DNAH12: variants seen among roughly 807,000 people sequenced by gnomAD.
DNAH12 encodes the protein dynein axonemal heavy chain 12.
Under a neutral mutation model 371.5 loss-of-function variants are expected in DNAH12, and 285 were observed. That is an observed-to-expected ratio of 0.77 (90% CI 0.70 to 0.85). DNAH12 has a LOEUF of 0.85. Ranked by LOEUF, DNAH12 falls within the 40% of genes least tolerant of loss-of-function variation. The pLI is 0.00. For synonymous variants in DNAH12, 1,200 were observed against 1,213.0 expected (o/e 0.99, Z 0.22); for missense variants, 3,611 against 3,689.4 (o/e 0.98, Z 0.55).
rs1267545448 is a variant in DNAH12, at chr3:57,392,052, T to C, written c.7125A>G (p.Val2375=). 1.3e-5 allele frequency: 2 copies of C among 152,198 alleles called. No individual in the cohort carries two copies. The highest frequency in any genetic ancestry group is 4.8e-5 in the African/African-American group (2 of 41,448). The allele number at this position is 152,198 out of a possible 1,614,324, so 9.4% of individuals were successfully genotyped here. A position where few individuals can be genotyped will look rare whatever the true frequency, so the allele number is the denominator to read the frequency against. ...KQEVMEGVRP[V]AQAGNKHDEL... is the part of the protein sequence containing the mutation. ...CATCATGTTTATTGCCAGCCTGAGC[T>C]ACTGGGCGAACACCCTAGGGAATAT... The change falls in exon 45 of 74, where the codon GTA becomes GTG. Residue 2375 remains valine, a synonymous_variant. Transcript: ENST00000495027.
chr3:57,309,904 A>G (rs1281881920), intron 67 of DNAH12, 50 bp from the exon 68 acceptor site: 5 of 1,491,182 alleles, frequency 3.4e-6, no homozygotes, highest in Non-Finnish European at 4.5e-6. Flanking sequence ...GGATACTGAA[A>G]GGGATGATCA....
At chr3:57,392,871 CTAT>C (rs1487651837) in intron 44 of DNAH12, among the ~76,000 whole-genome samples, 3 of 134,648 alleles carry the variant, frequency 2.2e-5, no homozygotes, top group African/African-American at 1.2e-4. Flanking sequence ...CCAAAGGTGA[CTAT>C]TCCTTGGATG....
chr3:57,476,450 G>A (rs543837103), intron 13 of DNAH12, among the ~76,000 whole-genome samples: 6 of 152,140 alleles, frequency 3.9e-5, no homozygotes, highest in Non-Finnish European at 8.8e-5. Flanking sequence ...TGTACTCCCA[G>A]CTACTCAGGA....
chr3:57,356,080 A>C (rs1331201836), intron 59 of DNAH12, among the ~76,000 whole-genome samples: 1 of 152,090 alleles, frequency 6.6e-6, no homozygotes, highest in African/African-American at 2.4e-5. Flanking sequence ...GTAATCCCCA[A>C]CTCCAGTCTG....
chr3:57,496,368 T>G (rs2067322420), intron 11 of DNAH12, among the ~76,000 whole-genome samples: 1 of 152,142 alleles, frequency 6.6e-6, no homozygotes, highest in Non-Finnish European at 1.5e-5. Context: ...TGGGTTAATA[T>G]TTGAACATCA....
In DNAH12 at chr3:57,323,107, A is replaced by G. The variant is rs766100167; in HGVS notation, c.10283T>C (p.Val3428Ala). Residue 3428 changes from valine to alanine, a missense_variant, in exon 64 of 74, where the codon GTG becomes GCG. Val to Ala is a moderately conservative substitution (Grantham distance 64). This residue lies in a region of DNAH12 where 2,266 missense variants were observed against 2,236.9 expected (regional missense o/e 1.01). Coordinates refer to ENST00000495027, the MANE Select transcript of DNAH12 (RefSeq NM_001366028.2). The part of the protein sequence containing the change: ...WVCLQNCHLA[V>A]SWMPMLEKIC... ...TTTTTCCAACATGGGCATCCAGGAC[A>G]CTGCAAGATGGCAATTCTGTAGGCA... The G allele has an allele frequency of 2.6e-6, 4 of 1,552,330 alleles. No homozygotes were observed. Among genetic ancestry groups the G allele is most frequent in the East Asian group, 2.4e-5 (1 of 40,936 alleles).
At position 57,323,156 on chromosome 3, in the gene DNAH12, C is replaced by G; in HGVS notation, c.10234G>C (p.Ala3412Pro). The G allele has an allele frequency of 1.3e-6, 2 of 1,552,426 alleles. No individual in the cohort carries two copies. The highest frequency in any genetic ancestry group is 2.7e-5 in the African/African-American group (2 of 73,174). The change falls in exon 64 of 74, where the codon GCA (alanine) becomes CCA (proline). Residue 3412 changes from alanine (A) to proline (P), a missense_variant. Transcript: ENST00000495027. The part of the protein sequence containing the change: ...GPIAAKMIKA[A>P]IEEGTWVCLQ... ...CACACCCAAGTTCCTTCTTCAATTG[C>G]TGCTTTAATCATTTTTGCTGCAATC...
intron 12 of DNAH12, among the ~76,000 whole-genome samples, chr3:57,485,393 T>G (rs2066889897): frequency 1.3e-5 from 2 of 148,588 alleles, no homozygotes; most frequent in South Asian, 4.4e-4. Flanking sequence ...TGGATGGAGC[T>G]GGAGGCCATT....
At chr3:57,328,993 C>T (rs1408924984) in intron 62 of DNAH12, among the ~76,000 whole-genome samples, 5 of 144,852 alleles carry the variant, frequency 3.5e-5, no homozygotes, top group Admixed American at 2.1e-4. Context: ...ACCTAGGAAT[C>T]CACCTTACAA....
chr3:57,394,630 G>C (rs1306893062), intron 43 of DNAH12, among the ~76,000 whole-genome samples: 6 of 152,154 alleles, frequency 3.9e-5, no homozygotes, highest in African/African-American at 1.4e-4. Flanking sequence ...TTGAAACAGA[G>C]AGAATCCTGG....
At chr3:57,466,922 AT>A (rs1397391741) in intron 17 of DNAH12, among the ~76,000 whole-genome samples, 2 of 150,142 alleles carry the variant, frequency 1.3e-5, no homozygotes, top group Non-Finnish European at 3.0e-5. Context: ...TGCCTGGCTA[AT>A]TTTTTATTTT....
At position 57,501,330 on chromosome 3, in the gene DNAH12, T is replaced by C. The variant is rs200246362; in HGVS notation, c.1326A>G (p.Glu442=). The C allele has an allele frequency of 8.8e-6, 14 of 1,599,812 alleles. No homozygotes were observed. The East Asian group carries it at 3.2e-4, about 36-fold the overall frequency. The change falls in exon 11 of 74, where the codon GAA becomes GAG. Residue 442 remains glutamate (E), a synonymous_variant. Coordinates refer to ENST00000495027, the MANE Select transcript of DNAH12 (RefSeq NM_001366028.2). ...TFQTEDHTFD[E]YTEFIEKFLS... is the part of the protein sequence containing the mutation. Reference sequence around the variant, plus strand: ...CAGAATTACCGCTTACCTCTGTATATTCATCAAAAGTATGATCTTCTGTCT... The same window carrying C: ...CAGAATTACCGCTTACCTCTGTATACTCATCAAAAGTATGATCTTCTGTCT...
In DNAH12 at chr3:57,419,398, A is replaced by G; in HGVS notation, c.5683T>C (p.Phe1895Leu). ...TAGGTAATACTCAAATCCATTAGAA[A>G]CGTATATCTAATTGTGTCCATCGTA... ...VPTMDTIRYTFLMDLSITYAK... is the reference protein window; with the variant it reads ...VPTMDTIRYTLLMDLSITYAK... Residue 1895 changes from phenylalanine to leucine, a missense_variant, in exon 37 of 74, where the codon TTT becomes CTT. By Grantham distance (22) the Phe-to-Leu change is conservative. Coordinates refer to ENST00000495027, the MANE Select transcript of DNAH12 (RefSeq NM_001366028.2). 6.6e-7 allele frequency: 1 copy of G among 1,506,252 alleles called. No homozygotes were observed. The highest frequency in any genetic ancestry group is 8.8e-7 in the Non-Finnish European group (1 of 1,133,076). 93.3% of individuals were successfully genotyped at this position (1,506,252 alleles called of 1,614,324 possible).
intron 72 of DNAH12, 106 bp from the exon 73 acceptor site, chr3:57,295,698 C>A: frequency 2.3e-6 from 2 of 873,356 alleles, no homozygotes; most frequent in South Asian, 2.7e-5. Flanking sequence ...GGACTAGAGG[C>A]ATAGAGAAAA....
At chr3:57,495,430 G>A (rs905366164) in intron 11 of DNAH12, among the ~76,000 whole-genome samples, 5 of 150,214 alleles carry the variant, frequency 3.3e-5, no homozygotes, top group African/African-American at 5.0e-5. Flanking sequence ...GCGTGGTCAC[G>A]GGCACTTGTA....
chr3:57,314,586 C>G lies in DNAH12; in HGVS notation c.10570G>C (p.Val3524Leu). 1 of 1,550,830 alleles carries G rather than the reference C, an allele frequency of 6.4e-7. No homozygotes were observed. ...GGACCAAATTTCTTTCTCTCTTGCACAAGGGCATGAAAAAAACAAACTCCA... is the reference window on the plus strand; with the variant it reads ...GGACCAAATTTCTTTCTCTCTTGCAGAAGGGCATGAAAAAAACAAACTCCA... ...LFGVCFFHALVQERKKFGPLG... is the reference protein window; with the variant it reads ...LFGVCFFHALLQERKKFGPLG... Residue 3524 changes from valine (V) to leucine (L), a missense_variant, in exon 66 of 74, where the codon GTG becomes CTG. Physicochemically the swap from Val to Leu is conservative, Grantham distance 32 (BLOSUM62 1). This residue lies in a region of DNAH12 where 2,266 missense variants were observed against 2,236.9 expected (regional missense o/e 1.01). Coordinates refer to ENST00000495027, the MANE Select transcript of DNAH12 (RefSeq NM_001366028.2).
intron 70 of DNAH12, among the ~76,000 whole-genome samples, chr3:57,301,161 C>A (rs2061335322): frequency 6.7e-6 from 1 of 148,494 alleles, no homozygotes; most frequent in African/African-American, 2.5e-5. Context: ...GTGGCACATG[C>A]CTGTAGTTCC....
chr3:57,356,538 T>C (rs1383024697), intron 59 of DNAH12, among the ~76,000 whole-genome samples: 15 of 151,678 alleles, frequency 9.9e-5, no homozygotes, highest in African/African-American at 3.6e-4. Context: ...GAGACCTCAG[T>C]CTTGGAGAAA....
At chr3:57,482,829 A>G (rs1367240552) in intron 13 of DNAH12, among the ~76,000 whole-genome samples, 2 of 150,470 alleles carry the variant, frequency 1.3e-5, no homozygotes, top group Non-Finnish European at 3.0e-5. Flanking sequence ...AGGACAAAAA[A>G]CTAAACACCG....
Sources: allele counts gnomAD v4.1 joint callset (sites outside exome capture counted in the v4.1 genomes callset), GRCh38; gene constraint gnomAD v4.1.1; regional missense constraint gnomAD v4.1.1; transcripts MANE v1.5; gene names NCBI Gene and HGNC (gene_info 2026-07-23, HGNC 2026-07-21).